The following RFTN1 variants were observed in gnomAD, a reference collection of about 807,000 sequenced individuals.
The protein encoded by RFTN1 is raftlin, lipid raft linker 1, also known as raftlin.
A neutral mutation model predicts 46.5 loss-of-function variants in RFTN1; 26 were observed. That is an observed-to-expected ratio of 0.56 (90% confidence interval 0.41 to 0.78). The LOEUF is 0.78. Among genes scored for constraint, RFTN1 ranks in the 30% least tolerant of loss-of-function variants. RFTN1 has a pLI of 0.00. For synonymous variants in RFTN1, 261 were observed against 284.2 expected (o/e 0.92, Z 0.82); for missense variants, 693 against 718.7 (o/e 0.96, Z 0.41).
At chr3:16,444,225 G>A (rs1428922994) in intron 2 of RFTN1, among the ~76,000 whole-genome samples, 2 of 152,128 alleles carry the variant, frequency 1.3e-5, no homozygotes, top group Non-Finnish European at 2.9e-5. Flanking sequence ...GGCATTCTTG[G>A]TAGTTCTCTT....
chr3:16,456,910 T>C (rs2075917272), intron 2 of RFTN1, among the ~76,000 whole-genome samples: 1 of 152,234 alleles, frequency 6.6e-6, no homozygotes, highest in Non-Finnish European at 1.5e-5. Flanking sequence ...CTGGTTGACA[T>C]AGAAATGTGT....
intron 6 of RFTN1, among the ~76,000 whole-genome samples, chr3:16,365,054 A>G (rs2073072064): frequency 6.6e-6 from 1 of 152,238 alleles, no homozygotes; most frequent in Admixed American, 6.5e-5. Flanking sequence ...AAGGTGTCCT[A>G]TGGACACATG....
chr3:16,458,100 A>C lies in RFTN1; in HGVS notation c.146-24063T>G, dbSNP rs2075943934. 6.6e-6 allele frequency among the ~76,000 whole-genome samples: 1 copy of C among 152,190 alleles called. No homozygotes were observed. Among genetic ancestry groups the C allele is most frequent in the African/African-American group, 2.4e-5 (1 of 41,444 alleles). On this transcript the variant is annotated intron_variant, in intron 2 of 9. Transcript: ENST00000334133. The surrounding 1 kb of genome is among the most constrained non-coding windows in gnomAD (Gnocchi z 5.1). Reference sequence around the variant, plus strand: ...CCAGCCTCCAGAACTGTGAGCAAAAAAAAATCTTTGTTCTTTATAAACTAC... The same window carrying C: ...CCAGCCTCCAGAACTGTGAGCAAAACAAAATCTTTGTTCTTTATAAACTAC...
At chr3:16,395,640 G>A (rs537826567) in intron 4 of RFTN1, among the ~76,000 whole-genome samples, 5 of 152,070 alleles carry the variant, frequency 3.3e-5, no homozygotes, top group South Asian at 2.1e-4. Flanking sequence ...GTAGAGACAG[G>A]GTCTTGCTAT....
intron 4 of RFTN1, among the ~76,000 whole-genome samples, chr3:16,399,141 C>T (rs2074543529): frequency 6.6e-6 from 1 of 152,058 alleles, no homozygotes; most frequent in African/African-American, 2.4e-5. Flanking sequence ...AATTTTAATG[C>T]TTTACATGGG....
At chr3:16,444,422 G>T (rs186073464) in intron 2 of RFTN1, among the ~76,000 whole-genome samples, 3 of 151,938 alleles carry the variant, frequency 2.0e-5, no homozygotes, top group Non-Finnish European at 4.4e-5. Flanking sequence ...TTTTCCAGGC[G>T]CTCCGGCTTC....
rs1006554729 is a variant in RFTN1 at position 16,504,134 on chromosome 3, A to C, written c.-9+9308T>G. Among the ~76,000 whole-genome samples the C allele has an allele frequency of 6.6e-6, 1 of 152,232 alleles. No individual in the cohort carries two copies. The highest frequency in any genetic ancestry group is 2.4e-5 in the African/African-American group (1 of 41,458). The stretch of plus-strand genomic sequence containing the variant: ...TTAATGGCATGCCCTAGACTAAAAA[A>C]AAAATACCCAATAGTTCGTTTTATT... On this transcript the variant is annotated intron_variant, in intron 1 of 9. Transcript: ENST00000334133. This position sits in a 1 kb window ranked among gnomAD's most constrained non-coding sequence, Gnocchi z 4.4.
chr3:16,423,445 A>G (rs1349043147), intron 3 of RFTN1, among the ~76,000 whole-genome samples: 1 of 152,218 alleles, frequency 6.6e-6, no homozygotes, highest in Non-Finnish European at 1.5e-5. Flanking sequence ...TAACCCTCAC[A>G]GCTAAACAAT....
chr3:16,462,617 T>C (rs2076025112), intron 2 of RFTN1, among the ~76,000 whole-genome samples: 1 of 152,242 alleles, frequency 6.6e-6, no homozygotes, highest in African/African-American at 2.4e-5. Flanking sequence ...AGCTGCCAGA[T>C]GCTGGAAGAA....
intron 3 of RFTN1, among the ~76,000 whole-genome samples, chr3:16,430,112 T>G (rs538705426): frequency 6.1e-4 from 93 of 152,236 alleles, no homozygotes; most frequent in Middle Eastern, 3.4e-3. Context: ...CCGTTTTTTT[T>G]TTGTTGTTGT....
rs1361687873 is a variant in RFTN1 at position 16,484,740 on chromosome 3, C to T, written c.145+8985G>A. The T allele has an allele frequency of 1.3e-5, 2 of 152,218 alleles. No individual in the cohort carries two copies. The highest frequency in any genetic ancestry group is 2.9e-5 in the Non-Finnish European group (2 of 68,022). The allele number at this position is 152,218 out of a possible 1,614,324, so 9.4% of individuals were successfully genotyped here. ...CCACAGCACACAGAAGATTCAGGAA[C>T]CAAGAAAGCCAAAGTGAAGGCTTTG... On this transcript the variant is annotated intron_variant, in intron 2 of 9. Transcript: ENST00000334133. The surrounding 1 kb of genome is among the most constrained non-coding windows in gnomAD (Gnocchi z 4.6).
Position 16,468,978 on chromosome 3 carries a change from T to C in RFTN1, c.145+24747A>G, listed in dbSNP as rs116351889. On this transcript the variant is annotated intron_variant, in intron 2 of 9. Coordinates refer to ENST00000334133, the MANE Select transcript of RFTN1 (RefSeq NM_015150.2). The surrounding 1 kb of genome is among the most constrained non-coding windows in gnomAD (Gnocchi z 4.4). ...CATCACTCAGCCTGCCTGAATCGCA[T>C]CTGACACTGGCCACTAAGGTGGAGT... 8.2e-3 allele frequency among the ~76,000 whole-genome samples: 1,248 copies of C among 152,356 alleles called. 15 individuals are homozygous for C. The highest frequency in any genetic ancestry group is 0.029 in the African/African-American group (1,206 of 41,580).
Position 16,381,326 on chromosome 3 carries a change from A to T in RFTN1, c.442-3224T>A, listed in dbSNP as rs909081170. ...CATGGATGTTACTTTTAGAATTGAA[A>T]AAGTAAATATTGTAAAAATTCCTCA... is the stretch of plus-strand genomic sequence containing the variant. On this transcript the variant is annotated intron_variant, in intron 4 of 9. Coordinates refer to ENST00000334133, the MANE Select transcript of RFTN1 (RefSeq NM_015150.2). The surrounding 1 kb of genome is among the most constrained non-coding windows in gnomAD (Gnocchi z 4.2). 1.3e-5 allele frequency among the ~76,000 whole-genome samples: 2 copies of T among 152,200 alleles called. No individual in the cohort carries two copies. Among genetic ancestry groups the T allele is most frequent in the African/African-American group, 4.8e-5 (2 of 41,452 alleles).
intron 9 of RFTN1, 26 bp downstream of exon 9, chr3:16,323,350 C>G (rs1194487819): frequency 6.5e-7 from 1 of 1,543,726 alleles, no homozygotes; most frequent in Non-Finnish European, 9.0e-7. Context: ...TGAGGAAAAC[C>G]TAGGAAGGCC....
chr3:16,434,868 A>G (rs1183256545), intron 2 of RFTN1: 1 of 152,238 alleles, frequency 6.6e-6, no homozygotes, highest in African/African-American at 2.4e-5. Context: ...GGAAAAATAT[A>G]TGAATAGGCA....
chr3:16,357,919 AC>A lies in RFTN1; in HGVS notation c.1146+12del. The A allele has an allele frequency of 6.5e-7, 1 of 1,533,606 alleles. No individual in the cohort carries two copies. Among genetic ancestry groups the A allele is most frequent in the Non-Finnish European group, 9.0e-7 (1 of 1,107,510 alleles). The allele number at this position is 1,533,606 out of a possible 1,614,324, so 95.0% of individuals were successfully genotyped here. A position where few individuals can be genotyped will look rare whatever the true frequency, so the allele number is the denominator to read the frequency against. ...CTAAACAAAAGAAGCGGGGCTGCCAACCCCACACTTACTTCCAGGACTGTCC... is the reference window on the plus strand; with the variant it reads ...CTAAACAAAAGAAGCGGGGCTGCCAACCCACACTTACTTCCAGGACTGTCC... On this transcript the variant is annotated intron_variant, in intron 7 of 9. Transcript: ENST00000334133.
chr3:16,508,315 C>T (rs569108228), intron 1 of RFTN1, among the ~76,000 whole-genome samples: 8 of 152,302 alleles, frequency 5.3e-5, no homozygotes, highest in East Asian at 3.9e-4. Context: ...AAACTCTAAA[C>T]GAAGCTTTCA....
intron 2 of RFTN1, among the ~76,000 whole-genome samples, chr3:16,445,092 G>T (rs1025044829): frequency 6.6e-5 from 10 of 152,210 alleles, no homozygotes; most frequent in African/African-American, 2.2e-4. Context: ...CAGTTTCCAA[G>T]AACCTATTAA....
At chr3:16,472,023 C>T (rs1159693642) in intron 2 of RFTN1, 2 of 151,928 alleles carry the variant, frequency 1.3e-5, no homozygotes, top group Admixed American at 1.3e-4. Context: ...AAGCAGAGAC[C>T]AAGCACCTCC....
Sources: allele counts gnomAD v4.1 joint callset (sites outside exome capture counted in the v4.1 genomes callset), GRCh38; gene constraint gnomAD v4.1.1; non-coding constraint Gnocchi (gnomAD v3.1); transcripts MANE v1.5; gene names NCBI Gene and HGNC (gene_info 2026-07-23, HGNC 2026-07-21).